Variants in PLXDC2 observed in about 807,000 individuals in gnomAD.
The protein encoded by PLXDC2 is plexin domain containing 2, also known as plexin domain-containing protein 2.
PLXDC2 carries 40 observed loss-of-function variants against 68.9 expected under a neutral mutation model. That is an observed-to-expected ratio of 0.58 (90% CI 0.45 to 0.76). The LOEUF is 0.76. Ranked by LOEUF, PLXDC2 falls within the 30% of genes least tolerant of loss-of-function variation. PLXDC2 has a pLI of 0.00. For missense variants in PLXDC2, 644 were observed against 661.9 expected, an observed-to-expected ratio of 0.97 and a Z score of 0.30; for synonymous variants, 243 against 234.2, an observed-to-expected ratio of 1.04 and a Z score of -0.34.
chr10:20,221,174 C>G (rs1835207238), intron 12 of PLXDC2, among the ~76,000 whole-genome samples: 1 of 152,012 alleles, frequency 6.6e-6, no homozygotes, highest in South Asian at 2.1e-4. Flanking sequence ...ATGTCATGCA[C>G]TTAATGTTTT....
intron 9 of PLXDC2, among the ~76,000 whole-genome samples, chr10:20,200,589 A>G (rs1347022486): frequency 6.6e-6 from 1 of 152,124 alleles, no homozygotes; most frequent in Non-Finnish European, 1.5e-5. Flanking sequence ...CAGCAAAGTG[A>G]GAAAACCTAC....
chr10:20,044,065 A>G (rs537455682), intron 2 of PLXDC2, among the ~76,000 whole-genome samples: 33 of 117,384 alleles, frequency 2.8e-4, no homozygotes, highest in African/African-American at 8.2e-4. Context: ...TCACATCTAG[A>G]TAGACTTGCG....
chr10:20,074,715 C>CT (rs772673809), intron 4 of PLXDC2, among the ~76,000 whole-genome samples: 17 of 152,012 alleles, frequency 1.1e-4, no homozygotes, highest in Non-Finnish European at 2.4e-4. Flanking sequence ...GAATAAAAGG[C>CT]TTTTTAGGAG....
Position 20,068,142 on chromosome 10 carries a change from T to G in PLXDC2, c.472-28T>G, listed in dbSNP as rs745792690. ...CATTGACTATGCTACACATTATTGA[T>G]TTTTTTCTCTGGTGTTGTTCTTTGC... On this transcript the variant is annotated intron_variant, in intron 3 of 13. Transcript: ENST00000377252. 1.9e-6 allele frequency: 3 copies of G among 1,584,412 alleles called. No homozygotes were observed. The African/African-American group carries it at 4.0e-5, about 21-fold the overall frequency.
intron 12 of PLXDC2, among the ~76,000 whole-genome samples, chr10:20,230,727 G>A (rs1835353374): frequency 1.2e-5 from 1 of 82,454 alleles, no homozygotes; most frequent in Non-Finnish European, 2.9e-5. Flanking sequence ...GGAAAACAGT[G>A]TCATTTCATT....
At chr10:20,206,558 A>G (rs1418458534) in intron 9 of PLXDC2, among the ~76,000 whole-genome samples, 1 of 152,084 alleles carries the variant, frequency 6.6e-6, no homozygotes, top group Non-Finnish European at 1.5e-5. Context: ...TGCTTAGAGC[A>G]AAAGGAGGGT....
At chr10:20,234,655 G>C (rs913649078) in intron 12 of PLXDC2, among the ~76,000 whole-genome samples, 1 of 135,852 alleles carries the variant, frequency 7.4e-6, no homozygotes, top group Admixed American at 7.5e-5. Context: ...TGTTTTCAGG[G>C]TTTCTTTCTT....
intron 1 of PLXDC2, among the ~76,000 whole-genome samples, chr10:19,885,742 T>C (rs1301425798): frequency 6.6e-6 from 1 of 152,148 alleles, no homozygotes; most frequent in Non-Finnish European, 1.5e-5. Flanking sequence ...TACCATGCTG[T>C]TTTGGTTACT....
At chr10:19,969,500 A>G (rs542824764) in intron 1 of PLXDC2, among the ~76,000 whole-genome samples, 3 of 152,334 alleles carry the variant, frequency 2.0e-5, no homozygotes, top group Non-Finnish European at 2.9e-5. Context: ...AATTGCTAAC[A>G]TTGTCCAAAA....
intron 13 of PLXDC2, among the ~76,000 whole-genome samples, chr10:20,273,037 T>TA (rs1835959190): frequency 6.6e-6 from 1 of 152,222 alleles, no homozygotes; most frequent in African/African-American, 2.4e-5. Flanking sequence ...TATGGTACTT[T>TA]ATATATCTGT....
intron 4 of PLXDC2, among the ~76,000 whole-genome samples, chr10:20,114,507 C>G (rs75483343): frequency 0.016 from 2,398 of 152,210 alleles, 22 homozygotes; most frequent in Non-Finnish European, 0.026. Context: ...GGGAATAGAC[C>G]TAGGAATGGA....
At chr10:19,817,858 C>G (rs967061373) in intron 1 of PLXDC2, among the ~76,000 whole-genome samples, 1 of 152,184 alleles carries the variant, frequency 6.6e-6, no homozygotes, top group Non-Finnish European at 1.5e-5. Context: ...GGCCTGAACG[C>G]GCAGAGAGTT....
At chr10:20,006,626 A>G (rs190026797) in intron 2 of PLXDC2, among the ~76,000 whole-genome samples, 5 of 152,350 alleles carry the variant, frequency 3.3e-5, no homozygotes, top group Admixed American at 6.5e-5. Context: ...AGACAATAGC[A>G]TGTTTACTGT....
intron 2 of PLXDC2, among the ~76,000 whole-genome samples, chr10:20,017,559 C>T (rs1393332883): frequency 6.6e-6 from 1 of 152,184 alleles, no homozygotes; most frequent in Non-Finnish European, 1.5e-5. Context: ...CTATTAACCA[C>T]TATTTTGGAT....
intron 1 of PLXDC2, among the ~76,000 whole-genome samples, chr10:19,875,783 CAAAAT>C (rs1448940920): frequency 6.6e-6 from 1 of 152,056 alleles, no homozygotes; most frequent in Non-Finnish European, 1.5e-5. Context: ...ATTTTCCTTT[CAAAAT>C]AAAATAAAAT....
At chr10:19,819,059 C>CACACACACACACACAA (rs1488956637) in intron 1 of PLXDC2, among the ~76,000 whole-genome samples, 1 of 151,688 alleles carries the variant, frequency 6.6e-6, no homozygotes, top group African/African-American at 2.4e-5. Context: ...CACACACACA[C>CACACACACACACACAA]ACACAATACA....
At chr10:20,098,817 G>A (rs1304593464) in intron 4 of PLXDC2, among the ~76,000 whole-genome samples, 2 of 152,086 alleles carry the variant, frequency 1.3e-5, no homozygotes, top group East Asian at 3.9e-4. Context: ...AATCAGATTG[G>A]GAGTTAGTCC....
rs63295361 is a variant in PLXDC2, at chr10:19,819,031, TACACACACACACACAC to T, written c.112+1858_112+1873del. 1.8e-3 allele frequency among the ~76,000 whole-genome samples: 268 copies of T among 147,840 alleles called. 1 individual carries two copies. Among genetic ancestry groups the T allele is most frequent in the Admixed American group, 6.6e-3 (97 of 14,756 alleles). On this transcript the variant is annotated intron_variant, in intron 1 of 13. Transcript: ENST00000377252. The stretch of plus-strand genomic sequence containing the variant: ...CGTTACTGAAAAAAGAATATATGTA[TACACACACACACACAC>T]ACACACACACACACACAATACACAC...
chr10:20,087,690 A>T lies in PLXDC2; in HGVS notation c.541+19451A>T, dbSNP rs146720056. Among the ~76,000 whole-genome samples the T allele has an allele frequency of 3.4e-3, 513 of 152,358 alleles. 2 individuals carry two copies. Among genetic ancestry groups the T allele is most frequent in the African/African-American group, 0.011 (455 of 41,586 alleles). Reference sequence around the variant, plus strand: ...GCCACTTGCTAGCAATGAAAAAGCAATTTCTTAACCTAATGAAGTAGTTAA... The same window carrying T: ...GCCACTTGCTAGCAATGAAAAAGCATTTTCTTAACCTAATGAAGTAGTTAA... On this transcript the variant is annotated intron_variant, in intron 4 of 13. Transcript: ENST00000377252.
Sources: gnomAD v4.1 joint callset for allele counts (sites outside exome capture counted in the v4.1 genomes callset) on GRCh38, gnomAD v4.1.1 for gene constraint, MANE v1.5 for transcripts, NCBI Gene and HGNC (gene_info 2026-07-23, HGNC 2026-07-21) for gene names.